Variants in CNTLN observed in about 807,000 individuals in gnomAD.
CNTLN encodes centlein, centrosomal protein.
A neutral mutation model predicts 180.0 loss-of-function variants in CNTLN; 212 were observed. That is an observed-to-expected ratio of 1.18 (90% CI 1.05 to 1.32). The LOEUF is 1.32. CNTLN is among the 40% of genes most tolerant of loss of function. CNTLN has a pLI of 0.00. For synonymous variants in CNTLN, 722 were observed against 563.1 expected (o/e 1.28, Z -3.99); for missense variants, 2,095 against 1,610.9 (o/e 1.30, Z -5.14).
At chr9:17,194,172 C>A (rs1821973338) in intron 2 of CNTLN, among the ~76,000 whole-genome samples, 1 of 152,206 alleles carries the variant, frequency 6.6e-6, no homozygotes, top group South Asian at 2.1e-4. Context: ...CTGACATGCC[C>A]TGGAGACATT....
At chr9:17,310,202 T>G (rs1292390654) in intron 8 of CNTLN, among the ~76,000 whole-genome samples, 1 of 152,152 alleles carries the variant, frequency 6.6e-6, no homozygotes, top group Non-Finnish European at 1.5e-5. Flanking sequence ...CACTTGTATG[T>G]GCTTTGATTC....
chr9:17,317,087 G>T (rs1470435971), intron 8 of CNTLN, among the ~76,000 whole-genome samples: 1 of 151,406 alleles, frequency 6.6e-6, no homozygotes, highest in Non-Finnish European at 1.5e-5. Flanking sequence ...CGTTATCATT[G>T]GGTTTGCATA....
chr9:17,303,993 TTCACCCCTTTTTCTTGCCC>T (rs1446621079), intron 7 of CNTLN, among the ~76,000 whole-genome samples: 1 of 152,184 alleles, frequency 6.6e-6, no homozygotes, highest in East Asian at 1.9e-4. Flanking sequence ...CTCTCAATTC[TTCACCCCTTTTTCTTGCCC>T]TTACATTACC....
In CNTLN at chr9:17,394,914, T is replaced by C. The variant is rs776468289; in HGVS notation, c.2460T>C (p.Asp820=). 7.4e-6 allele frequency: 12 copies of C among 1,613,968 alleles called. No individual in the cohort carries two copies. Among genetic ancestry groups the C allele is most frequent in the Admixed American group, 3.3e-5 (2 of 60,002 alleles). The stretch of plus-strand genomic sequence containing the variant: ...TGAAAGTGAGATCTGGACGATATGA[T>C]TGTAAGACAACTATGACCAAGGTTA... ...ATMKVRSGRY[D]CKTTMTKVKF... The change falls in exon 15 of 26, where the codon GAT becomes GAC. Residue 820 remains aspartate (D), a synonymous_variant. Transcript: ENST00000380647.
rs61284504 is a variant in CNTLN, at chr9:17,285,001, ATT to A, written c.983+11148_983+11149del. On this transcript the variant is annotated intron_variant, in intron 6 of 25. Coordinates refer to ENST00000380647, the MANE Select transcript of CNTLN (RefSeq NM_017738.4). Reference sequence around the variant, plus strand: ...AAAGAACTTCTTGATTTCTGCCTTAATTTTTTTTTTTTTTAATTATACTTTAA... The same window carrying A: ...AAAGAACTTCTTGATTTCTGCCTTAATTTTTTTTTTTTAATTATACTTTAA... 4.9e-3 allele frequency among the ~76,000 whole-genome samples: 715 copies of A among 144,778 alleles called. 5 individuals carry two copies. Among genetic ancestry groups the A allele is most frequent in the African/African-American group, 9.4e-3 (378 of 40,030 alleles). The allele number at this position is 144,778 out of a possible 152,430, so 95.0% of individuals were successfully genotyped here. A position where few individuals can be genotyped will look rare whatever the true frequency, so the allele number is the denominator to read the frequency against.
intron 15 of CNTLN, among the ~76,000 whole-genome samples, chr9:17,406,117 A>G (rs1827368575): frequency 6.6e-6 from 1 of 151,844 alleles, no homozygotes; most frequent in Middle Eastern, 3.4e-3. Context: ...TTTCTCACTA[A>G]TGATAATTCT....
At chr9:17,185,358 A>G (rs1290993198) in intron 2 of CNTLN, among the ~76,000 whole-genome samples, 1 of 152,326 alleles carries the variant, frequency 6.6e-6, no homozygotes. Flanking sequence ...CCAAACAAAC[A>G]TGACATTTAC....
chr9:17,345,001 C>T (rs1821768794), intron 12 of CNTLN, among the ~76,000 whole-genome samples: 1 of 152,140 alleles, frequency 6.6e-6, no homozygotes, highest in Non-Finnish European at 1.5e-5. Flanking sequence ...CTTTCTGAGA[C>T]TGGCTTCTTT....
intron 2 of CNTLN, among the ~76,000 whole-genome samples, chr9:17,169,603 T>C (rs895592968): frequency 6.6e-6 from 1 of 152,192 alleles, no homozygotes; most frequent in Non-Finnish European, 1.5e-5. Flanking sequence ...GGTCCAATTT[T>C]ATTCTTCCAC....
Position 17,459,225 on chromosome 9 carries a change from C to G in CNTLN, c.3306+1510C>G, listed in dbSNP as rs575610974. On this transcript the variant is annotated intron_variant, in intron 19 of 25. Transcript: ENST00000380647. Reference sequence around the variant, plus strand: ...ATTTATATTTTACTTATTTTACTTACTACAAATGGTCTAATAATTTTTGGT... The same window carrying G: ...ATTTATATTTTACTTATTTTACTTAGTACAAATGGTCTAATAATTTTTGGT... Among the ~76,000 whole-genome samples the G allele has an allele frequency of 6.6e-5, 10 of 151,952 alleles. 1 individual carries two copies. Among genetic ancestry groups the G allele is most frequent in the Middle Eastern group, 3.4e-3 (1 of 294 alleles).
chr9:17,172,126 A>G (rs955033211), intron 2 of CNTLN, among the ~76,000 whole-genome samples: 1 of 151,806 alleles, frequency 6.6e-6, no homozygotes, highest in Non-Finnish European at 1.5e-5. Context: ...AGCTTCTTCT[A>G]GGGGGTGGTT....
Position 17,216,003 on chromosome 9 carries a change from G to A in CNTLN, c.450-10200G>A, listed in dbSNP as rs113356723. 3.9e-5 allele frequency among the ~76,000 whole-genome samples: 6 copies of A among 152,138 alleles called. No homozygotes were observed. In the South Asian group the frequency reaches 1.2e-3, roughly 32 times the overall value. On this transcript the variant is annotated intron_variant, in intron 2 of 25. Transcript: ENST00000380647. ...ATCCCTGACCCCTTACACTTCCCGGGTGAGGCAGTGCCTCACCCTGCTTTG... is the reference window on the plus strand; with the variant it reads ...ATCCCTGACCCCTTACACTTCCCGGATGAGGCAGTGCCTCACCCTGCTTTG...
chr9:17,257,804 G>A (rs1324945276), intron 5 of CNTLN, among the ~76,000 whole-genome samples: 6 of 149,702 alleles, frequency 4.0e-5, no homozygotes, highest in Non-Finnish European at 5.9e-5. Flanking sequence ...CATGTCCTTT[G>A]CCCACTTTTT....
chr9:17,307,525 C>G (rs564328317), intron 7 of CNTLN, among the ~76,000 whole-genome samples: 48 of 152,264 alleles, frequency 3.2e-4, no homozygotes, highest in African/African-American at 1.1e-3. Flanking sequence ...CCATCTCGGC[C>G]TCCCAAAGTG....
chr9:17,475,309 TGA>T (rs1030523948), intron 23 of CNTLN, among the ~76,000 whole-genome samples: 1 of 152,138 alleles, frequency 6.6e-6, no homozygotes, highest in Non-Finnish European at 1.5e-5. Flanking sequence ...TTGGAAGAGT[TGA>T]GTTTCCTTTT....
intron 5 of CNTLN, among the ~76,000 whole-genome samples, chr9:17,269,094 G>C (rs1827742453): frequency 6.6e-6 from 1 of 152,100 alleles, no homozygotes; most frequent in Non-Finnish European, 1.5e-5. Context: ...CGGTACCTCA[G>C]ATGGAAATGC....
intron 2 of CNTLN, among the ~76,000 whole-genome samples, chr9:17,176,594 T>A (rs1820733399): frequency 6.6e-6 from 1 of 152,244 alleles, no homozygotes; most frequent in Non-Finnish European, 1.5e-5. Context: ...ATAAGTAGCT[T>A]CATAAAATGA....
chr9:17,287,219 G>A (rs1223116653), intron 6 of CNTLN, among the ~76,000 whole-genome samples: 2 of 151,748 alleles, frequency 1.3e-5, no homozygotes, highest in Non-Finnish European at 1.5e-5. Flanking sequence ...AGCATGAAGC[G>A]TTGCTGAATT....
intron 9 of CNTLN, among the ~76,000 whole-genome samples, chr9:17,331,042 C>G (rs1011183564): frequency 6.6e-6 from 1 of 151,650 alleles, no homozygotes; most frequent in Non-Finnish European, 1.5e-5. Context: ...AGTGCTATAC[C>G]CATTTTGTCA....
Sources: gnomAD v4.1 joint callset for allele counts (sites outside exome capture counted in the v4.1 genomes callset) on GRCh38, gnomAD v4.1.1 for gene constraint, MANE v1.5 for transcripts, NCBI Gene and HGNC (gene_info 2026-07-23, HGNC 2026-07-21) for gene names.